HSPA12A: variants seen among roughly 807,000 people sequenced by gnomAD.
HSPA12A encodes heat shock protein family A (Hsp70) member 12A.
HSPA12A carries 28 observed loss-of-function variants against 69.2 expected under a neutral mutation model. That is an observed-to-expected ratio of 0.40 (90% CI 0.30 to 0.55). The LOEUF (loss-of-function observed/expected upper bound fraction) is 0.55. Ranked by LOEUF, HSPA12A falls within the 20% of genes least tolerant of loss-of-function variation. HSPA12A has a pLI of 0.38. For missense variants in HSPA12A, 686 were observed against 900.7 expected (o/e 0.76, Z 3.05); for synonymous variants, 345 against 370.5 (o/e 0.93, Z 0.79).
intron 2 of HSPA12A, among the ~76,000 whole-genome samples, chr10:116,820,071 A>G (rs1845382788): frequency 6.6e-6 from 1 of 152,102 alleles, no homozygotes; most frequent in East Asian, 1.9e-4. Context: ...CAATTCACCC[A>G]CCTGGCCTCC....
intron 1 of HSPA12A, among the ~76,000 whole-genome samples, chr10:116,840,164 G>C (rs1845781986): frequency 6.6e-6 from 1 of 152,088 alleles, no homozygotes; most frequent in Admixed American, 6.5e-5. Flanking sequence ...ATCCTGTTTT[G>C]CAGACTTACA....
At chr10:116,835,263 A>T (rs1044229683) in intron 1 of HSPA12A, 2 of 246,418 alleles carry the variant, frequency 8.1e-6, no homozygotes, top group African/African-American at 4.5e-5. Context: ...TTCATCTGCA[A>T]GACAGAGATA....
chr10:116,793,048 T>G (rs1217984106), intron 2 of HSPA12A, among the ~76,000 whole-genome samples: 4 of 152,162 alleles, frequency 2.6e-5, no homozygotes, highest in Non-Finnish European at 5.9e-5. Context: ...AAAAAATAAC[T>G]GTCAACCTAG....
intron 1 of HSPA12A, 114 bp from the exon 2 acceptor site, chr10:116,707,399 G>T: frequency 1.2e-6 from 1 of 813,340 alleles, no homozygotes; most frequent in Non-Finnish European, 2.0e-6. Context: ...TGCAAAGCCA[G>T]CTCACGAAAT....
At chr10:116,837,815 CAAA>C (rs544462723) in intron 1 of HSPA12A, among the ~76,000 whole-genome samples, 182 of 140,682 alleles carry the variant, frequency 1.3e-3, no homozygotes, top group African/African-American at 4.3e-3. Flanking sequence ...AAAAAGAATG[CAAA>C]AAAAAAAAAT....
chr10:116,733,131 T>C (rs1851213386), intron 1 of HSPA12A, among the ~76,000 whole-genome samples: 1 of 152,220 alleles, frequency 6.6e-6, no homozygotes, highest in Admixed American at 6.5e-5. Context: ...TACAAGCAGT[T>C]GTTTTCTGAA....
At chr10:116,770,630 G>C (rs1455871458) in intron 2 of HSPA12A, among the ~76,000 whole-genome samples, 1 of 152,112 alleles carries the variant, frequency 6.6e-6, no homozygotes, top group African/African-American at 2.4e-5. Context: ...CAGAGACGCC[G>C]AGCTCCAGCT....
rs541453151 is a variant in HSPA12A, at chr10:116,717,571, C to T, written c.41-10286G>A. On this transcript the variant is annotated intron_variant, in intron 1 of 11. Coordinates refer to ENST00000369209, the MANE Select transcript of HSPA12A (RefSeq NM_025015.3). ...CTGAGCTCAAATCCCACCATGACCA[C>T]GTCCTAGATGCATGCCACTGGGTGG... 9.4e-4 allele frequency among the ~76,000 whole-genome samples: 143 copies of T among 152,310 alleles called. 2 individuals are homozygous for T. The South Asian group carries it at 0.027, about 29-fold the overall frequency.
chr10:116,713,554 G>A (rs373485291), intron 1 of HSPA12A, among the ~76,000 whole-genome samples: 1 of 152,112 alleles, frequency 6.6e-6, no homozygotes, highest in African/African-American at 2.4e-5. Flanking sequence ...TCCCTGAATA[G>A]TCCAAGAGAT....
At chr10:116,798,251 A>T (rs1443831438) in intron 2 of HSPA12A, among the ~76,000 whole-genome samples, 2 of 152,096 alleles carry the variant, frequency 1.3e-5, no homozygotes, top group African/African-American at 4.8e-5. Context: ...ACCTTCTGGA[A>T]GCCGTCTAAG....
rs1849582812 is a variant in HSPA12A, at chr10:116,686,650, A to G, written c.664-2688T>C. On this transcript the variant is annotated intron_variant, in intron 6 of 11. Coordinates refer to ENST00000369209, the MANE Select transcript of HSPA12A (RefSeq NM_025015.3). This position sits in a 1 kb window ranked among gnomAD's most constrained non-coding sequence, Gnocchi z 4.1. ...AGGCCCCCACAGGGCCAGAAAAAGCAAGGTGGGCCTGGGCCACGGCAGCAG... is the reference window on the plus strand; with the variant it reads ...AGGCCCCCACAGGGCCAGAAAAAGCGAGGTGGGCCTGGGCCACGGCAGCAG... Among the ~76,000 whole-genome samples the G allele has an allele frequency of 1.3e-5, 2 of 152,108 alleles. No individual in the cohort carries two copies. The highest frequency in any genetic ancestry group is 2.9e-5 in the Non-Finnish European group (2 of 68,016).
intron 2 of HSPA12A, among the ~76,000 whole-genome samples, chr10:116,749,609 G>T (rs547211737): frequency 6.6e-6 from 1 of 152,204 alleles, no homozygotes; most frequent in African/African-American, 2.4e-5. Context: ...CTCAAGAAAC[G>T]TGTTGAATGA....
intron 1 of HSPA12A, among the ~76,000 whole-genome samples, chr10:116,845,176 C>T (rs1266693109): frequency 2.0e-5 from 3 of 152,072 alleles, no homozygotes; most frequent in East Asian, 3.9e-4. Flanking sequence ...TAAATGTATC[C>T]CTTTTCATAT....
chr10:116,781,657 T>C (rs1470633119), intron 2 of HSPA12A, among the ~76,000 whole-genome samples: 1 of 152,074 alleles, frequency 6.6e-6, no homozygotes, highest in Non-Finnish European at 1.5e-5. Flanking sequence ...GCTAAAAGGA[T>C]CAAATTCAAA....
upstream of HSPA12A, among the ~76,000 whole-genome samples, chr10:116,746,795 A>T (rs1425860515): frequency 6.6e-6 from 1 of 152,232 alleles, no homozygotes; most frequent in Non-Finnish European, 1.5e-5. Context: ...CACAGAAGAT[A>T]TGAGTAGCTT....
chr10:116,691,137 C>A (rs782266298), intron 6 of HSPA12A, among the ~76,000 whole-genome samples: 2 of 152,196 alleles, frequency 1.3e-5, no homozygotes, highest in Non-Finnish European at 2.9e-5. Context: ...AAAAACAGAT[C>A]TATTTTTGGC....
At chr10:116,753,470 C>T (rs1843754334) in intron 2 of HSPA12A, among the ~76,000 whole-genome samples, 1 of 152,196 alleles carries the variant, frequency 6.6e-6, no homozygotes, top group African/African-American at 2.4e-5. Context: ...GCACAGGTCA[C>T]CTAACCTCTC....
intron 4 of HSPA12A, among the ~76,000 whole-genome samples, chr10:116,700,475 G>C (rs1850049217): frequency 6.6e-6 from 1 of 152,114 alleles, no homozygotes; most frequent in African/African-American, 2.4e-5. Flanking sequence ...TAAAGAGCTG[G>C]ATGTACCAGT....
intron 2 of HSPA12A, among the ~76,000 whole-genome samples, chr10:116,789,925 C>T (rs971351250): frequency 3.8e-4 from 58 of 151,948 alleles, no homozygotes; most frequent in Non-Finnish European, 7.5e-4. Flanking sequence ...CCTCCACACC[C>T]ACTGTCATCC....
Sources: gnomAD v4.1 joint callset for allele counts (sites outside exome capture counted in the v4.1 genomes callset) on GRCh38, gnomAD v4.1.1 for gene constraint, Gnocchi (gnomAD v3.1) non-coding constraint, MANE v1.5 for transcripts, NCBI Gene and HGNC (gene_info 2026-07-23, HGNC 2026-07-21) for gene names.